Variants in ZDHHC24 observed in about 807,000 individuals in gnomAD.
ZDHHC24 encodes the protein zDHHC palmitoyltransferase 24, also known as probable palmitoyltransferase ZDHHC24.
ZDHHC24 carries 17 observed loss-of-function variants against 23.2 expected under a neutral mutation model. The ratio of observed to expected loss-of-function variants is 0.73; its 90% CI spans 0.50 to 1.10. The LOEUF (loss-of-function observed/expected upper bound fraction) is 1.10, where lower values mean the gene tolerates loss of function less well. Ranked by LOEUF, ZDHHC24 falls within the 50% of genes least tolerant of loss-of-function variation. The pLI, the probability that ZDHHC24 is intolerant of heterozygous loss-of-function variation, is 0.00. For synonymous variants in ZDHHC24, 186 were observed against 194.5 expected (o/e 0.96, Z 0.36); for missense variants, 366 against 393.0 (o/e 0.93, Z 0.58).
At chr11:66,528,697 G>A (rs1005235770) in intron 3 of ZDHHC24, among the ~76,000 whole-genome samples, 2 of 151,992 alleles carry the variant, frequency 1.3e-5, no homozygotes, top group African/African-American at 2.4e-5. Flanking sequence ...GGCCAGGTGC[G>A]GTGGCTCACA....
chr11:66,532,472 T>A (rs1856827976), downstream of ZDHHC24: 1 of 175,246 alleles, frequency 5.7e-6, no homozygotes, highest in African/African-American at 2.4e-5. Context: ...GAAGCTCTTC[T>A]TGGGTGAGAT....
At chr11:66,544,677 A>T (rs1405833911) in intron 1 of ZDHHC24, among the ~76,000 whole-genome samples, 3 of 152,088 alleles carry the variant, frequency 2.0e-5, no homozygotes, top group Non-Finnish European at 4.4e-5. Context: ...TATGAGGTCT[A>T]CCTTGACCAC....
chr11:66,522,919 T>A, intron 4 of ZDHHC24: 2 of 346,254 alleles, frequency 5.8e-6, no homozygotes, highest in South Asian at 4.5e-5. Context: ...AAGGAACCAG[T>A]TGGTGAGAAA....
chr11:66,541,426 T>C (rs1365437000), intron 2 of ZDHHC24, among the ~76,000 whole-genome samples: 1 of 149,720 alleles, frequency 6.7e-6, no homozygotes, highest in African/African-American at 2.5e-5. Context: ...AAAACCATTC[T>C]GTTTGAAGGT....
chr11:66,539,649 C>T lies in ZDHHC24; in HGVS notation c.735G>A (p.Leu245=), dbSNP rs1266380904. ...CCCAGCGGGGCCCCAGGGCTGCCTG[C>T]AGGTTGTGGCAGGGACCCAGGTCAT... ...HSYDLGPCHN[L]QAALGPRWAL... The change falls in exon 3 of 3, where the codon CTG becomes CTA. Residue 245 remains leucine, a synonymous_variant. Coordinates refer to ENST00000310442, the MANE Select transcript of ZDHHC24 (RefSeq NM_207340.3). 4 of 1,612,186 alleles carry T rather than the reference C, an allele frequency of 2.5e-6. No homozygotes were observed. Among genetic ancestry groups the T allele is most frequent in the Non-Finnish European group, 3.4e-6 (4 of 1,179,582 alleles).
Position 66,538,567 on chromosome 11 carries a change from C to T in ZDHHC24, c.*962G>A, listed in dbSNP as rs901232354. 2 of 152,120 alleles carry T rather than the reference C, an allele frequency of 1.3e-5. No homozygotes were observed. Among genetic ancestry groups the T allele is most frequent in the African/African-American group, 4.8e-5 (2 of 41,424 alleles). 9.4% of individuals were successfully genotyped at this position (152,120 alleles called of 1,614,324 possible). ...AGAGAAAAAAGAAAATGTGGTCAGG[C>T]TCTGTGTTCTACTGTCTTCCCTCCT... On this transcript the variant is annotated 3_prime_UTR_variant, in exon 3 of 3. Coordinates refer to ENST00000310442, the MANE Select transcript of ZDHHC24 (RefSeq NM_207340.3).
In ZDHHC24 at chr11:66,536,855, C is replaced by G. The variant is rs906135116; in HGVS notation, c.*2674G>C. On this transcript the variant is annotated 3_prime_UTR_variant, in exon 3 of 3. Coordinates refer to ENST00000310442, the MANE Select transcript of ZDHHC24 (RefSeq NM_207340.3). ...CATCATTGCACTCCAGCCTGGGTAA[C>G]AAGAGTGAAACTCTGTCTCAAAAAA... is the stretch of plus-strand genomic sequence containing the variant. The G allele has an allele frequency of 6.6e-6, 1 of 151,740 alleles. No homozygotes were observed. Among genetic ancestry groups the G allele is most frequent in the Non-Finnish European group, 1.5e-5 (1 of 67,936 alleles). 9.4% of individuals were successfully genotyped at this position (151,740 alleles called of 1,614,324 possible).
chr11:66,529,677 C>T lies in ZDHHC24; in HGVS notation c.560-189G>A, dbSNP rs561723089. On this transcript the variant is annotated intron_variant, in intron 2 of 4. Coordinates refer to the ZDHHC24 transcript ENST00000526986. ...TGCCAGAAGGCTGGGCTCTTTCCCT[C>T]CTCCCCAGCTCCTGCAGACTCCTCC... The T allele has an allele frequency of 3.4e-5, 37 of 1,079,402 alleles. No individual in the cohort carries two copies. The East Asian group carries it at 6.3e-4, about 18-fold the overall frequency. 66.9% of individuals were successfully genotyped at this position (1,079,402 alleles called of 1,614,324 possible).
At chr11:66,524,065 A>C in intron 4 of ZDHHC24, 3 of 846,618 alleles carry the variant, frequency 3.5e-6, no homozygotes, top group Non-Finnish European at 5.7e-6. Context: ...AGATCACCTG[A>C]GGTAAGGAGT....
At chr11:66,520,658 A>G (rs750630935), downstream of ZDHHC24, 8 of 165,110 alleles carry the variant, frequency 4.8e-5, no homozygotes, top group Middle Eastern at 1.9e-3. Flanking sequence ...CCTGTCACCT[A>G]TTGTACATTT....
At chr11:66,525,101 G>A (rs928859505) in intron 4 of ZDHHC24, among the ~76,000 whole-genome samples, 2 of 152,024 alleles carry the variant, frequency 1.3e-5, no homozygotes, top group Non-Finnish European at 2.9e-5. Context: ...TCAGGAGGCT[G>A]AGGCAGGAGA....
At chr11:66,528,455 A>ATTTTC (rs1856614231) in intron 3 of ZDHHC24, among the ~76,000 whole-genome samples, 1 of 152,168 alleles carries the variant, frequency 6.6e-6, no homozygotes, top group South Asian at 2.1e-4. Context: ...GAGGGGACTT[A>ATTTTC]CCCTATCAGG....
intron 2 of ZDHHC24, chr11:66,529,759 G>A: frequency 6.2e-7 from 1 of 1,600,656 alleles, no homozygotes; most frequent in Non-Finnish European, 8.5e-7. Flanking sequence ...GTGCCCCGTT[G>A]CTGCCTCCTC....
chr11:66,523,583 C>A lies in ZDHHC24; in HGVS notation c.*22-2117G>T, dbSNP rs780784789. ...GCATGGCTTCACCCACAAGGTGCAG[C>A]CCCCAGCAAGCAGCAGCCCCTCCAC... is the stretch of plus-strand genomic sequence containing the variant. On this transcript the variant is annotated intron_variant, in intron 4 of 4. Transcript: ENST00000526986. 3.2e-5 allele frequency: 51 copies of A among 1,613,954 alleles called. No individual in the cohort carries two copies. Among genetic ancestry groups the A allele is most frequent in the Admixed American group, 2.7e-4 (16 of 59,996 alleles).
At chr11:66,530,906 G>T, downstream of ZDHHC24, 1 of 1,614,226 alleles carries the variant, frequency 6.2e-7, no homozygotes, top group Non-Finnish European at 8.5e-7. Flanking sequence ...TCAGGGCCTT[G>T]GCCCCACCTT....
intron 3 of ZDHHC24, chr11:66,528,933 A>C: frequency 2.6e-6 from 1 of 379,010 alleles, no homozygotes; most frequent in Non-Finnish European, 3.5e-6. Flanking sequence ...ACGCCATTGC[A>C]CTCCAGCCTG....
At chr11:66,532,870 G>A (rs1856840915), downstream of ZDHHC24, 1 of 152,478 alleles carries the variant, frequency 6.6e-6, no homozygotes, top group Non-Finnish European at 1.5e-5. Flanking sequence ...CGTTTCTGGG[G>A]CTCCAGAGAA....
rs1293446597 is a variant in ZDHHC24, at chr11:66,523,441, T to G, written c.*22-1975A>C. ...GATTTCTCTGGGGCCAGACAGTGTG[T>G]TGTTTATTCCACAGAGACTCCAAGC... is the stretch of plus-strand genomic sequence containing the variant. On this transcript the variant is annotated intron_variant, in intron 4 of 4. Coordinates refer to the ZDHHC24 transcript ENST00000526986. 2 of 1,614,028 alleles carry G rather than the reference T, an allele frequency of 1.2e-6. No individual in the cohort carries two copies. The highest frequency in any genetic ancestry group is 1.7e-5 in the Admixed American group (1 of 59,998).
In ZDHHC24 at chr11:66,539,775, G is replaced by A. The variant is rs374233325; in HGVS notation, c.609C>T (p.Cys203=). Residue 203 remains cysteine, a synonymous_variant, in exon 3 of 3, where the codon TGC becomes TGT. Coordinates refer to ENST00000310442, the MANE Select transcript of ZDHHC24 (RefSeq NM_207340.3). ...QFALAFVTDT[C]VAGALLCGAG... is the part of the protein sequence containing the mutation. Reference sequence around the variant, plus strand: ...CCCCGCACAGCAGCGCACCCGCCACGCACGTGTCCGTCACGAAGGCCAAGG... The same window carrying A: ...CCCCGCACAGCAGCGCACCCGCCACACACGTGTCCGTCACGAAGGCCAAGG... The A allele has an allele frequency of 2.2e-5, 36 of 1,611,994 alleles. No homozygotes were observed. Among genetic ancestry groups the A allele is most frequent in the Non-Finnish European group, 2.8e-5 (33 of 1,179,242 alleles).
Sources: allele counts gnomAD v4.1 joint callset (sites outside exome capture counted in the v4.1 genomes callset), GRCh38; gene constraint gnomAD v4.1.1; transcripts MANE v1.5; gene names NCBI Gene and HGNC (gene_info 2026-07-23, HGNC 2026-07-21).